The following BMP5 variants were observed in gnomAD, a reference collection of about 807,000 sequenced individuals.
BMP5 encodes the protein bone morphogenetic protein 5.
Under a neutral mutation model 46.6 loss-of-function variants are expected in BMP5, and 23 were observed. That is an observed-to-expected ratio of 0.49 (90% CI 0.35 to 0.70). BMP5 has a LOEUF of 0.70. Among genes scored for constraint, BMP5 ranks in the 30% least tolerant of loss-of-function variants. The pLI, the probability that BMP5 is intolerant of heterozygous loss-of-function variation, is 0.00. For synonymous variants in BMP5, 204 were observed against 191.9 expected (o/e 1.06, Z -0.52); for missense variants, 545 against 565.6 (o/e 0.96, Z 0.37).
At chr6:55,766,454 C>G (rs1774918882) in intron 4 of BMP5, among the ~76,000 whole-genome samples, 1 of 152,024 alleles carries the variant, frequency 6.6e-6, no homozygotes, top group Admixed American at 6.6e-5. Context: ...ACTCCCCTCT[C>G]CAGAGTCCTG....
intron 3 of BMP5, among the ~76,000 whole-genome samples, chr6:55,776,026 C>T (rs2127522016): frequency 6.6e-6 from 1 of 151,996 alleles, no homozygotes; most frequent in Admixed American, 6.6e-5. Flanking sequence ...TTAAAATGGC[C>T]ATCTGCCTCA....
At chr6:55,818,326 A>G (rs772065255) in intron 2 of BMP5, among the ~76,000 whole-genome samples, 2 of 151,996 alleles carry the variant, frequency 1.3e-5, no homozygotes, top group Non-Finnish European at 1.5e-5. Context: ...TGATTATTAT[A>G]TCAGACGCAT....
intron 1 of BMP5, among the ~76,000 whole-genome samples, chr6:55,829,296 A>G (rs1776605146): frequency 6.6e-6 from 1 of 151,842 alleles, no homozygotes; most frequent in South Asian, 2.1e-4. Flanking sequence ...CACAGCAGGT[A>G]TTCATATACA....
chr6:55,850,380 A>AGATAGATAGATAGATC (rs1562069922), intron 1 of BMP5, among the ~76,000 whole-genome samples: 2 of 143,772 alleles, frequency 1.4e-5, no homozygotes, highest in Admixed American at 6.7e-5. Flanking sequence ...ATAGATAGAT[A>AGATAGATAGATAGATC]GATAGATAGA....
At chr6:55,792,294 A>G (rs111513460) in intron 3 of BMP5, among the ~76,000 whole-genome samples, 2,378 of 152,114 alleles carry the variant, frequency 0.016, 59 homozygotes, top group African/African-American at 0.054. Flanking sequence ...AGCACTTTGG[A>G]AGGCCAAGGC....
rs554573925 is a variant in BMP5 at position 55,784,906 on chromosome 6, T to C, written c.832+9373A>G. On this transcript the variant is annotated intron_variant, in intron 3 of 6. Coordinates refer to ENST00000370830, the MANE Select transcript of BMP5 (RefSeq NM_021073.4). ...GAGTCAGCATATAAGAGGGTGGCTC[T>C]GAAAACAAATCGTTTTCAGATTTAT... 6.5e-4 allele frequency among the ~76,000 whole-genome samples: 99 copies of C among 152,014 alleles called. No individual in the cohort carries two copies. The Middle Eastern group carries it at 0.01, about 16-fold the overall frequency.
At chr6:55,842,933 C>T (rs1408868652) in intron 1 of BMP5, among the ~76,000 whole-genome samples, 6 of 152,060 alleles carry the variant, frequency 3.9e-5, no homozygotes, top group Admixed American at 3.9e-4. Flanking sequence ...AATATTATTT[C>T]AATTCACCCA....
chr6:55,754,070 A>G lies in BMP5; in HGVS notation c.*1463T>C, dbSNP rs1177679526. Reference sequence around the variant, plus strand: ...ATACCCGAATTACAAACAAAGCCATAACATTTTTGAAGACATTTTTGGTAT... The same window carrying G: ...ATACCCGAATTACAAACAAAGCCATGACATTTTTGAAGACATTTTTGGTAT... On this transcript the variant is annotated 3_prime_UTR_variant, in exon 7 of 7. Coordinates refer to ENST00000370830, the MANE Select transcript of BMP5 (RefSeq NM_021073.4). 1.3e-5 allele frequency: 2 copies of G among 151,948 alleles called. No homozygotes were observed. The highest frequency in any genetic ancestry group is 2.1e-4 in the South Asian group (1 of 4,834). The allele number at this position is 151,948 out of a possible 1,614,324, so 9.4% of individuals were successfully genotyped here.
intron 3 of BMP5, among the ~76,000 whole-genome samples, chr6:55,783,569 C>G (rs1390738498): frequency 6.6e-6 from 1 of 151,816 alleles, no homozygotes; most frequent in Non-Finnish European, 1.5e-5. Context: ...TGCAATATAT[C>G]TTTGAGAGAT....
At chr6:55,759,262 T>C (rs888885620) in intron 5 of BMP5, 147 bp from the exon 6 acceptor site, 1 of 589,892 alleles carries the variant, frequency 1.7e-6, no homozygotes, top group African/African-American at 1.9e-5. Flanking sequence ...TCTGAATAGG[T>C]TTCTATTCTT....
chr6:55,764,145 G>A (rs151279803), intron 4 of BMP5, among the ~76,000 whole-genome samples: 245 of 152,260 alleles, frequency 1.6e-3, no homozygotes, highest in Non-Finnish European at 3.0e-3. Context: ...TCAATAAGTT[G>A]AAGATACATC....
In BMP5 at chr6:55,755,312, A is replaced by G. The variant is rs1400123063; in HGVS notation, c.*221T>C. The G allele has an allele frequency of 8.3e-6, 4 of 484,804 alleles. No individual in the cohort carries two copies. Among genetic ancestry groups the G allele is most frequent in the Non-Finnish European group, 1.5e-5 (4 of 270,682 alleles). The allele number at this position is 484,804 out of a possible 1,614,324, so 30.0% of individuals were successfully genotyped here. ...TACTAGATGATCTATTGTATAATGT[A>G]GTGGCCTATGAAATAGATTTTATTG... On this transcript the variant is annotated 3_prime_UTR_variant, in exon 7 of 7. Transcript: ENST00000370830.
intron 3 of BMP5, among the ~76,000 whole-genome samples, chr6:55,778,287 G>T (rs6928274): frequency 0.025 from 3,752 of 152,080 alleles, 144 homozygotes; most frequent in African/African-American, 0.085. Flanking sequence ...GCTGGAAGCT[G>T]TTCAAGCTTA....
At chr6:55,765,064 C>T (rs1774887655) in intron 4 of BMP5, among the ~76,000 whole-genome samples, 1 of 151,918 alleles carries the variant, frequency 6.6e-6, no homozygotes, top group South Asian at 2.1e-4. Context: ...ATCACATGTA[C>T]CCCATGAATA....
chr6:55,775,612 G>A (rs992393104), intron 3 of BMP5, among the ~76,000 whole-genome samples: 1 of 151,896 alleles, frequency 6.6e-6, no homozygotes, highest in South Asian at 2.1e-4. Flanking sequence ...CTTGCCCCAT[G>A]AGAGATGTGC....
chr6:55,842,367 A>G (rs188897860), intron 1 of BMP5, among the ~76,000 whole-genome samples: 6 of 152,248 alleles, frequency 3.9e-5, no homozygotes, highest in Non-Finnish European at 7.4e-5. Flanking sequence ...CCATGTTTAC[A>G]TGACTTGGCT....
chr6:55,842,743 T>C (rs1776992735), intron 1 of BMP5, among the ~76,000 whole-genome samples: 1 of 152,100 alleles, frequency 6.6e-6, no homozygotes, highest in Non-Finnish European at 1.5e-5. Flanking sequence ...TGCTGTCTGA[T>C]ACCTAGAAAA....
At chr6:55,835,865 T>A (rs1202653693) in intron 1 of BMP5, among the ~76,000 whole-genome samples, 1 of 152,202 alleles carries the variant, frequency 6.6e-6, no homozygotes, top group Non-Finnish European at 1.5e-5. Flanking sequence ...CAGTTTTCAA[T>A]TTAAATGTGA....
At chr6:55,865,175 C>A (rs1777610672) in intron 1 of BMP5, among the ~76,000 whole-genome samples, 1 of 152,058 alleles carries the variant, frequency 6.6e-6, no homozygotes, top group Non-Finnish European at 1.5e-5. Flanking sequence ...AAAATTAAAA[C>A]CCTCAAAGTG....
Sources: gnomAD v4.1 joint callset for allele counts (sites outside exome capture counted in the v4.1 genomes callset) on GRCh38, gnomAD v4.1.1 for gene constraint, MANE v1.5 for transcripts, NCBI Gene and HGNC (gene_info 2026-07-23, HGNC 2026-07-21) for gene names.